VWC2L: variants seen among roughly 807,000 people sequenced by gnomAD.
VWC2L encodes von Willebrand factor C domain-containing protein 2-like.
VWC2L carries 10 observed loss-of-function variants against 21.6 expected under a neutral mutation model. The observed-to-expected ratio is 0.46, with a 90% confidence interval of 0.29 to 0.78. VWC2L has a LOEUF of 0.78. VWC2L is among the 30% of genes least tolerant of loss of function. The probability of loss-of-function intolerance (pLI) is 0.10; values close to 1 mark genes in which losing one functional copy is unlikely to be tolerated. For missense variants in VWC2L, 209 were observed against 277.1 expected (o/e 0.75, Z 1.74); for synonymous variants, 96 against 94.3 (o/e 1.02, Z -0.10).
intron 3 of VWC2L, among the ~76,000 whole-genome samples, chr2:214,480,378 T>C (rs11679647): frequency 0.22 from 33,891 of 152,156 alleles, 3,880 homozygotes; most frequent in East Asian, 0.26. Context: ...GTCTGCATGA[T>C]ATTGGAAGAT....
chr2:214,454,620 T>TTTG (rs1703027717), intron 3 of VWC2L, among the ~76,000 whole-genome samples: 1 of 146,160 alleles, frequency 6.8e-6, no homozygotes, highest in Admixed American at 6.9e-5. Flanking sequence ...TTTTTTTTTT[T>TTTG]TGAGATGGAG....
intron 3 of VWC2L, among the ~76,000 whole-genome samples, chr2:214,492,896 T>C (rs1261021204): frequency 2.6e-5 from 4 of 152,200 alleles, no homozygotes; most frequent in African/African-American, 7.2e-5. Flanking sequence ...GTGAGTTTGC[T>C]GGGGCTTTTG....
intron 3 of VWC2L, chr2:214,537,028 A>G (rs891249709): frequency 1.3e-5 from 2 of 151,204 alleles, no homozygotes; most frequent in South Asian, 4.2e-4. Flanking sequence ...GCTAACTTCT[A>G]TTCATCCTTT....
intron 3 of VWC2L, among the ~76,000 whole-genome samples, chr2:214,563,021 A>G (rs1257865900): frequency 6.6e-6 from 1 of 152,060 alleles, no homozygotes; most frequent in Non-Finnish European, 1.5e-5. Context: ...TTTGTCATGA[A>G]ATCTTTCCCT....
chr2:214,433,131 A>G (rs545960235), intron 2 of VWC2L, among the ~76,000 whole-genome samples: 1 of 144,332 alleles, frequency 6.9e-6, no homozygotes, highest in East Asian at 2.0e-4. Context: ...CAAATTTAAA[A>G]CAGATATATT....
At chr2:214,550,277 C>T (rs898774682) in intron 3 of VWC2L, among the ~76,000 whole-genome samples, 5 of 152,046 alleles carry the variant, frequency 3.3e-5, no homozygotes, top group East Asian at 3.9e-4. Context: ...ACAACAGACT[C>T]GGCCATAGGA....
chr2:214,529,550 T>C (rs1200308866), intron 3 of VWC2L, among the ~76,000 whole-genome samples: 2 of 152,192 alleles, frequency 1.3e-5, no homozygotes, highest in African/African-American at 4.8e-5. Flanking sequence ...ATATTTGATT[T>C]ACATCTTTAG....
At chr2:214,508,491 T>C (rs566047962) in intron 3 of VWC2L, among the ~76,000 whole-genome samples, 1 of 152,356 alleles carries the variant, frequency 6.6e-6, no homozygotes, top group South Asian at 2.1e-4. Context: ...CATAGGATGA[T>C]TCTAAATGAT....
intron 2 of VWC2L, among the ~76,000 whole-genome samples, chr2:214,428,850 T>G: frequency 7.8e-6 from 1 of 128,438 alleles, no homozygotes. Flanking sequence ...TCCTGAGAAA[T>G]AATCTGATTG....
At chr2:214,522,519 G>A (rs982266547) in intron 3 of VWC2L, among the ~76,000 whole-genome samples, 4 of 151,964 alleles carry the variant, frequency 2.6e-5, no homozygotes, top group African/African-American at 9.7e-5. Flanking sequence ...TACAGAAGAT[G>A]TTTCGTTACA....
At chr2:214,421,160 TAA>T (rs1384662363) in intron 2 of VWC2L, among the ~76,000 whole-genome samples, 1 of 152,218 alleles carries the variant, frequency 6.6e-6, no homozygotes, top group Non-Finnish European at 1.5e-5. Context: ...AAAAGTACAC[TAA>T]AAGTTTTTTG....
At chr2:214,424,636 A>C (rs1411159005) in intron 2 of VWC2L, among the ~76,000 whole-genome samples, 1 of 152,212 alleles carries the variant, frequency 6.6e-6, no homozygotes, top group Admixed American at 6.5e-5. Context: ...CCAGAATTTC[A>C]CAAATTTATG....
At chr2:214,461,905 C>A (rs1242278650) in intron 3 of VWC2L, among the ~76,000 whole-genome samples, 1 of 152,192 alleles carries the variant, frequency 6.6e-6, no homozygotes, top group African/African-American at 2.4e-5. Context: ...AGAAAGCTGG[C>A]TTTTAGGCTC....
intron 3 of VWC2L, among the ~76,000 whole-genome samples, chr2:214,567,933 A>C (rs1159252747): frequency 6.6e-6 from 1 of 152,224 alleles, no homozygotes; most frequent in Non-Finnish European, 1.5e-5. Flanking sequence ...CATGTTATCA[A>C]CTAAGTCTGG....
intron 3 of VWC2L, among the ~76,000 whole-genome samples, chr2:214,566,905 A>G (rs1266998467): frequency 6.6e-6 from 1 of 152,208 alleles, no homozygotes. Context: ...ATCAGACTGC[A>G]CCAAGCAGAG....
chr2:214,507,079 T>C (rs980416559), intron 3 of VWC2L, among the ~76,000 whole-genome samples: 1 of 152,134 alleles, frequency 6.6e-6, no homozygotes, highest in East Asian at 1.9e-4. Flanking sequence ...AAGTGACAAA[T>C]ACTAGAGTAT....
At chr2:214,440,924 C>T (rs1702756047) in intron 3 of VWC2L, among the ~76,000 whole-genome samples, 1 of 152,090 alleles carries the variant, frequency 6.6e-6, no homozygotes, top group Non-Finnish European at 1.5e-5. Flanking sequence ...CACTGGAATA[C>T]ACAGTCAGTC....
intron 3 of VWC2L, among the ~76,000 whole-genome samples, chr2:214,437,090 A>G (rs1702689531): frequency 6.6e-6 from 1 of 152,160 alleles, no homozygotes; most frequent in African/African-American, 2.4e-5. Flanking sequence ...AGAGCCAATG[A>G]AGCAGTTCAC....
intron 3 of VWC2L, among the ~76,000 whole-genome samples, chr2:214,560,359 G>A (rs1484956667): frequency 6.6e-6 from 1 of 152,138 alleles, no homozygotes; most frequent in Admixed American, 6.5e-5. Flanking sequence ...CTGCTTCGTT[G>A]TGGTGTGTGG....
Sources: gnomAD v4.1 joint callset for allele counts (sites outside exome capture counted in the v4.1 genomes callset) on GRCh38, gnomAD v4.1.1 for gene constraint, MANE v1.5 for transcripts, NCBI Gene and HGNC (gene_info 2026-07-23, HGNC 2026-07-21) for gene names.